Variants in CCDC141 observed in about 807,000 individuals in gnomAD.
CCDC141 encodes coiled-coil domain containing 141, also known as coiled-coil domain-containing protein 141.
In CCDC141, 168 loss-of-function variants were observed where a neutral mutation model predicts 181.0. The observed-to-expected ratio is 0.93, with a 90% CI of 0.82 to 1.05. The LOEUF (loss-of-function observed/expected upper bound fraction) is 1.05, where lower values mean the gene tolerates loss of function less well. CCDC141 is among the 50% of genes least tolerant of loss of function. CCDC141 has a pLI of 0.00. For missense variants in CCDC141, 1,902 were observed against 1,788.5 expected (o/e 1.06, Z -1.14); for synonymous variants, 666 against 642.3 (o/e 1.04, Z -0.56).
chr2:178,873,814 T>C (rs1212301813), intron 12 of CCDC141: 4 of 152,226 alleles, frequency 2.6e-5, no homozygotes, highest in South Asian at 2.1e-4. Flanking sequence ...AAAGCATTCA[T>C]TTTTCGTTTA....
intron 5 of CCDC141, among the ~76,000 whole-genome samples, chr2:178,949,348 G>C (rs1443311962): frequency 1.3e-5 from 2 of 152,136 alleles, no homozygotes; most frequent in Non-Finnish European, 2.9e-5. Flanking sequence ...CCCCTCCTAT[G>C]ATAGAGATAT....
the CCDC141 span, among the ~76,000 whole-genome samples, chr2:178,822,667 A>G: frequency 6.6e-6 from 1 of 152,150 alleles, no homozygotes; most frequent in Non-Finnish European, 1.5e-5. Context: ...AAAAGCCTAC[A>G]TTTACCCAAT....
intron 22 of CCDC141, among the ~76,000 whole-genome samples, chr2:178,841,192 T>A (rs760679426): frequency 1.4e-4 from 21 of 152,200 alleles, no homozygotes; most frequent in Non-Finnish European, 1.8e-4. Flanking sequence ...AAGTTAGATA[T>A]CTCCACAAGA....
chr2:178,877,304 T>C (rs1345985514), intron 12 of CCDC141: 2 of 151,982 alleles, frequency 1.3e-5, no homozygotes, highest in South Asian at 2.1e-4. Context: ...TGATTAGGAG[T>C]AGATACGGAA....
the CCDC141 span, among the ~76,000 whole-genome samples, chr2:178,817,061 T>C: frequency 1.3e-5 from 2 of 152,206 alleles, no homozygotes; most frequent in Non-Finnish European, 2.9e-5. Flanking sequence ...CAACAAAATA[T>C]GTAATATTCA....
At chr2:179,018,323 AACTGTGGGAT>A (rs770323193) in intron 2 of CCDC141, among the ~76,000 whole-genome samples, 1 of 152,152 alleles carries the variant, frequency 6.6e-6, no homozygotes, top group Non-Finnish European at 1.5e-5. Context: ...CTGTAACATA[AACTGTGGGAT>A]ACAGGTAGAG....
intron 5 of CCDC141, among the ~76,000 whole-genome samples, chr2:178,949,424 A>G (rs1689860740): frequency 6.6e-6 from 1 of 152,222 alleles, no homozygotes; most frequent in African/African-American, 2.4e-5. Context: ...ATTTCACACA[A>G]CCAATAAGAG....
At chr2:178,979,199 T>C (rs543491942) in intron 2 of CCDC141, among the ~76,000 whole-genome samples, 1 of 152,154 alleles carries the variant, frequency 6.6e-6, no homozygotes, top group Non-Finnish European at 1.5e-5. Flanking sequence ...TTATCTACTG[T>C]TTGAACAAAA....
chr2:178,841,719 A>G (rs1684729850), intron 22 of CCDC141, among the ~76,000 whole-genome samples: 1 of 152,180 alleles, frequency 6.6e-6, no homozygotes, highest in Non-Finnish European at 1.5e-5. Flanking sequence ...ATCTCGGCTC[A>G]CTACAACCTG....
chr2:178,983,132 C>T (rs10191740), intron 2 of CCDC141, among the ~76,000 whole-genome samples: 79,288 of 151,868 alleles, frequency 0.52, 22,163 homozygotes, highest in East Asian at 0.84. Context: ...ACTGGCAGAC[C>T]GCCTCCTCAA....
chr2:178,946,196 C>A (rs115909249), intron 5 of CCDC141, among the ~76,000 whole-genome samples: 1 of 152,014 alleles, frequency 6.6e-6, no homozygotes, highest in South Asian at 2.1e-4. Flanking sequence ...TTAGTCCCCA[C>A]GATACACAAG....
chr2:179,019,059 G>A (rs1473409145), intron 2 of CCDC141, among the ~76,000 whole-genome samples: 1 of 152,150 alleles, frequency 6.6e-6, no homozygotes, highest in Non-Finnish European at 1.5e-5. Flanking sequence ...CAAGTTCAGA[G>A]CATTGCTTTT....
intron 2 of CCDC141, among the ~76,000 whole-genome samples, chr2:178,998,936 G>A (rs1465442961): frequency 6.6e-6 from 1 of 152,112 alleles, no homozygotes; most frequent in African/African-American, 2.4e-5. Context: ...TTATGTGAGA[G>A]CTGAGGACAA....
intron 12 of CCDC141, chr2:178,876,850 C>T (rs1057499411): frequency 6.6e-6 from 1 of 151,948 alleles, no homozygotes; most frequent in Non-Finnish European, 1.5e-5. Context: ...ATATAAAGGC[C>T]CACATTTGTA....
At chr2:178,902,080 A>C (rs1687722473) in intron 8 of CCDC141, among the ~76,000 whole-genome samples, 1 of 152,180 alleles carries the variant, frequency 6.6e-6, no homozygotes, top group Non-Finnish European at 1.5e-5. Context: ...GGAGAACTAC[A>C]AACCACTGCT....
chr2:179,029,728 CACTT>C (rs1373494460), intron 2 of CCDC141, among the ~76,000 whole-genome samples: 2 of 152,052 alleles, frequency 1.3e-5, no homozygotes, highest in Admixed American at 6.5e-5. Flanking sequence ...TAAAAGGAAT[CACTT>C]ACAATAACTA....
At chr2:178,920,878 T>C (rs965441939) in intron 6 of CCDC141, among the ~76,000 whole-genome samples, 4 of 152,110 alleles carry the variant, frequency 2.6e-5, no homozygotes. Flanking sequence ...AAATGTAGAG[T>C]AAGAAATTTG....
At chr2:178,872,538 T>C (rs1558944504) in intron 12 of CCDC141, among the ~76,000 whole-genome samples, 1 of 152,128 alleles carries the variant, frequency 6.6e-6, no homozygotes, top group Non-Finnish European at 1.5e-5. Flanking sequence ...CAAGGGGTGT[T>C]TGAATTCCTA....
At chr2:178,894,680 A>G (rs1362508014) in intron 8 of CCDC141, among the ~76,000 whole-genome samples, 6 of 152,222 alleles carry the variant, frequency 3.9e-5, no homozygotes, top group African/African-American at 1.4e-4. Flanking sequence ...AGGAAAAAAG[A>G]GAAAATACCC....
Sources: allele counts gnomAD v4.1 joint callset (sites outside exome capture counted in the v4.1 genomes callset), GRCh38; gene constraint gnomAD v4.1.1; transcripts MANE v1.5; gene names NCBI Gene and HGNC (gene_info 2026-07-23, HGNC 2026-07-21).